PDE9A: variants seen among roughly 807,000 people sequenced by gnomAD.
PDE9A encodes high affinity cGMP-specific 3',5'-cyclic phosphodiesterase 9A.
Under a neutral mutation model 87.4 loss-of-function variants are expected in PDE9A, and 60 were observed. That is an observed-to-expected ratio of 0.69 (90% CI 0.56 to 0.85). The LOEUF (loss-of-function observed/expected upper bound fraction) is 0.85, where lower values mean the gene tolerates loss of function less well. Among genes scored for constraint, PDE9A ranks in the 40% least tolerant of loss-of-function variants. The probability of loss-of-function intolerance (pLI) is 0.00; values close to 1 mark genes in which losing one functional copy is unlikely to be tolerated. For synonymous variants in PDE9A, 272 were observed against 279.4 expected (o/e 0.97, Z 0.27); for missense variants, 665 against 779.0 (o/e 0.85, Z 1.74).
chr21:42,661,552 C>T (rs913522785), intron 1 of PDE9A, among the ~76,000 whole-genome samples: 8 of 152,128 alleles, frequency 5.3e-5, no homozygotes, highest in Non-Finnish European at 1.0e-4. Context: ...CATGTTGTAG[C>T]ACGTGTCCGA....
chr21:42,748,574 C>G (rs542573367), intron 8 of PDE9A, among the ~76,000 whole-genome samples: 5 of 152,186 alleles, frequency 3.3e-5, no homozygotes, highest in Non-Finnish European at 7.3e-5. Context: ...TGGAAAACCT[C>G]CAAACTACAC....
intron 3 of PDE9A, 171 bp from the exon 4 acceptor site, chr21:42,698,796 TC>T (rs749202092): frequency 2.1e-6 from 1 of 467,850 alleles, no homozygotes. Flanking sequence ...TTGAAATTCA[TC>T]TGAGTAAGGA....
At chr21:42,761,614 G>A (rs2055776693) in intron 13 of PDE9A, among the ~76,000 whole-genome samples, 1 of 152,210 alleles carries the variant, frequency 6.6e-6, no homozygotes, top group Admixed American at 6.5e-5. Context: ...TGGGTTCCGA[G>A]GTGTGGCTGT....
Position 42,759,054 on chromosome 21 carries a change from G to C in PDE9A, c.866G>C (p.Ser289Thr). ...YHDLGLVRDF[S>T]INPVTLRRWL... is the part of the protein sequence containing the mutation. ...GACCTCGGGCTGGTCAGGGACTTCA[G>C]CATCAACCCTGTCACCCTCAGGAGG... is the stretch of plus-strand genomic sequence containing the variant. Residue 289 changes from serine to threonine, a missense_variant, in exon 11 of 20, where the codon AGC becomes ACC. By Grantham distance (58) the Ser-to-Thr change is moderately conservative. Coordinates refer to ENST00000291539, the MANE Select transcript of PDE9A (RefSeq NM_002606.3). The surrounding 1 kb of genome is among the most constrained non-coding windows in gnomAD (Gnocchi z 7.2). 6.2e-7 allele frequency: 1 copy of C among 1,614,072 alleles called. No homozygotes were observed. The highest frequency in any genetic ancestry group is 1.3e-5 in the African/African-American group (1 of 75,056).
At chr21:42,668,441 G>A (rs181645782) in intron 1 of PDE9A, among the ~76,000 whole-genome samples, 1 of 152,212 alleles carries the variant, frequency 6.6e-6, no homozygotes, top group Non-Finnish European at 1.5e-5. Flanking sequence ...GAGTTGCTTC[G>A]AGCTTGAACC....
chr21:42,760,897 TACA>T lies in PDE9A; in HGVS notation c.1082_1084del (p.Asn361del), dbSNP rs754667847. ...CTGCCACGATCTGGACCATCCCGGC[TACA>T]ACAACACGTATGTACAGGATTTTCT... On this transcript the variant is annotated inframe_deletion, in exon 13 of 20. Transcript: ENST00000291539. This position sits in a 1 kb window ranked among gnomAD's most constrained non-coding sequence, Gnocchi z 5.2. The T allele has an allele frequency of 1.2e-5, 19 of 1,606,218 alleles. No homozygotes were observed. The highest frequency in any genetic ancestry group is 1.6e-5 in the Non-Finnish European group (19 of 1,172,828).
chr21:42,682,246 G>C (rs184219381), intron 1 of PDE9A, among the ~76,000 whole-genome samples: 3 of 152,230 alleles, frequency 2.0e-5, no homozygotes, highest in Non-Finnish European at 4.4e-5. Flanking sequence ...AACCCTAAAT[G>C]TATAAGGAGT....
Position 42,686,246 on chromosome 21 carries a change from G to A in PDE9A, c.124G>A (p.Ala42Thr), listed in dbSNP as rs779246582. Residue 42 changes from alanine to threonine, a missense_variant, in exon 2 of 20, where the codon GCC becomes ACC. Coordinates refer to ENST00000291539, the MANE Select transcript of PDE9A (RefSeq NM_002606.3). ...CGACATCATGGACCTGTTCTGCATCGCCACCGGCCTGCCTCGGTGAGTGCG... is the reference window on the plus strand; with the variant it reads ...CGACATCATGGACCTGTTCTGCATCACCACCGGCCTGCCTCGGTGAGTGCG... ...SSDIMDLFCIATGLPRNTTIS... is the reference protein window; with the variant it reads ...SSDIMDLFCITTGLPRNTTIS... The A allele has an allele frequency of 6.2e-7, 1 of 1,613,298 alleles. No individual in the cohort carries two copies. The highest frequency in any genetic ancestry group is 8.5e-7 in the Non-Finnish European group (1 of 1,179,310).
At chr21:42,689,455 C>T (rs1054797292) in intron 3 of PDE9A, 9 of 823,946 alleles carry the variant, frequency 1.1e-5, no homozygotes, top group African/African-American at 3.7e-5. Context: ...TGGGGGGTCT[C>T]GCTCAGAAGC....
intron 4 of PDE9A, among the ~76,000 whole-genome samples, chr21:42,721,643 A>C (rs2050539598): frequency 6.6e-6 from 1 of 152,212 alleles, no homozygotes; most frequent in Admixed American, 6.5e-5. Flanking sequence ...ATCCTCAGCC[A>C]GTTGAATAGT....
intron 4 of PDE9A, among the ~76,000 whole-genome samples, chr21:42,720,759 A>G (rs1325293967): frequency 6.6e-6 from 1 of 151,862 alleles, no homozygotes; most frequent in Admixed American, 6.6e-5. Flanking sequence ...TAATCCCAGC[A>G]CTTTGGGAGG....
chr21:42,708,613 GGC>G (rs1465672356), intron 4 of PDE9A, among the ~76,000 whole-genome samples: 1 of 152,212 alleles, frequency 6.6e-6, no homozygotes, highest in Non-Finnish European at 1.5e-5. Flanking sequence ...GGAGTGCAGT[GGC>G]GCGATCTCGG....
intron 1 of PDE9A, among the ~76,000 whole-genome samples, chr21:42,666,184 A>G (rs945029626): frequency 8.5e-5 from 13 of 152,126 alleles, no homozygotes; most frequent in African/African-American, 3.1e-4. Flanking sequence ...GTGGTCATCA[A>G]GAAAGGGCGT....
chr21:42,718,161 A>G (rs906699067), intron 4 of PDE9A, among the ~76,000 whole-genome samples: 1 of 151,708 alleles, frequency 6.6e-6, no homozygotes. Flanking sequence ...TCGGGCTCCC[A>G]AAGTGCTAGG....
intron 4 of PDE9A, among the ~76,000 whole-genome samples, chr21:42,710,577 C>A (rs988614193): frequency 6.6e-6 from 1 of 152,198 alleles, no homozygotes; most frequent in Non-Finnish European, 1.5e-5. Context: ...GGTGTAAGAG[C>A]AATCCTATCT....
rs369545782 is a variant in PDE9A, at chr21:42,683,557, G to A, written c.70-2635G>A. On this transcript the variant is annotated intron_variant, in intron 1 of 19. Transcript: ENST00000291539. ...CAGTCAAGGATCCCCCCAGGCCTCC[G>A]GGGCCGCCTGGGCTGCCTGGCCTCA... 3.4e-3 allele frequency among the ~76,000 whole-genome samples: 514 copies of A among 152,126 alleles called. 22 individuals carry two copies. In the South Asian group the frequency reaches 0.08, roughly 24 times the overall value.
chr21:42,701,359 C>A (rs73229556), intron 4 of PDE9A, among the ~76,000 whole-genome samples: 16,634 of 150,828 alleles, frequency 0.11, 1,176 homozygotes, highest in East Asian at 0.34. Flanking sequence ...AGATGATTTT[C>A]TTATAGTGCT....
In PDE9A at chr21:42,743,828, G is replaced by A; in HGVS notation, c.621G>A (p.Lys207=). 6.3e-7 allele frequency: 1 copy of A among 1,589,204 alleles called. No individual in the cohort carries two copies. The highest frequency in any genetic ancestry group is 8.6e-7 in the Non-Finnish European group (1 of 1,167,378). ...AGAAATGCAAGAGTGACATTAAGAA[G>A]ATGAGGGAGGAGCTGGCGGCCAGAA... is the stretch of plus-strand genomic sequence containing the variant. The part of the protein sequence containing the change: ...EIEKCKSDIK[K]MREELAARSS... The change falls in exon 8 of 20, where the codon AAG becomes AAA. Residue 207 remains lysine, a synonymous_variant. Transcript: ENST00000291539.
At chr21:42,749,597 G>A (rs1246980976) in intron 8 of PDE9A, among the ~76,000 whole-genome samples, 1 of 152,246 alleles carries the variant, frequency 6.6e-6, no homozygotes, top group African/African-American at 2.4e-5. Context: ...TCGATACCAA[G>A]TGCTAAACAA....
Sources: gnomAD v4.1 joint callset for allele counts (sites outside exome capture counted in the v4.1 genomes callset) on GRCh38, gnomAD v4.1.1 for gene constraint, Gnocchi (gnomAD v3.1) non-coding constraint, MANE v1.5 for transcripts, NCBI Gene and HGNC (gene_info 2026-07-23, HGNC 2026-07-21) for gene names.